Variants in LUZP2 observed in about 807,000 individuals in gnomAD.
LUZP2 encodes the protein leucine zipper protein 2.
Under a neutral mutation model 51.6 loss-of-function variants are expected in LUZP2, and 52 were observed. The ratio of observed to expected loss-of-function variants is 1.01; its 90% confidence interval spans 0.81 to 1.27. The LOEUF (loss-of-function observed/expected upper bound fraction) is 1.27, where lower values mean the gene tolerates loss of function less well. Among genes scored for constraint, LUZP2 ranks in the 50% most tolerant of loss-of-function variants. The pLI, the probability that LUZP2 is intolerant of heterozygous loss-of-function variation, is 0.00. For synonymous variants in LUZP2, 154 were observed against 137.3 expected (o/e 1.12, Z -0.85); for missense variants, 436 against 395.4 (o/e 1.10, Z -0.87).
intron 1 of LUZP2, among the ~76,000 whole-genome samples, chr11:24,699,676 C>T (rs200436010): frequency 7.0e-6 from 1 of 141,994 alleles, no homozygotes; most frequent in Non-Finnish European, 1.5e-5. Context: ...TACACACACA[C>T]ATATATACAC....
At chr11:24,717,766 A>G (rs901830152) in intron 1 of LUZP2, among the ~76,000 whole-genome samples, 2 of 151,722 alleles carry the variant, frequency 1.3e-5, no homozygotes, top group Non-Finnish European at 2.9e-5. Flanking sequence ...TTCACCCTCC[A>G]TTAGACCCAA....
intron 9 of LUZP2, among the ~76,000 whole-genome samples, chr11:24,986,237 C>T (rs1469763418): frequency 2.0e-5 from 3 of 151,564 alleles, no homozygotes; most frequent in African/African-American, 7.3e-5. Flanking sequence ...CTGTTAAATA[C>T]AGGCATTATT....
At chr11:24,731,866 A>C (rs1354153733) in intron 2 of LUZP2, among the ~76,000 whole-genome samples, 10 of 151,726 alleles carry the variant, frequency 6.6e-5, no homozygotes, top group Admixed American at 6.6e-4. Context: ...AGAGACCTAG[A>C]TATTTGGAGA....
At chr11:24,781,893 AT>A (rs1849105953) in intron 5 of LUZP2, among the ~76,000 whole-genome samples, 1 of 151,990 alleles carries the variant, frequency 6.6e-6, no homozygotes, top group African/African-American at 2.4e-5. Context: ...CTTACAAAAA[AT>A]GAATATTCTG....
intron 2 of LUZP2, among the ~76,000 whole-genome samples, chr11:24,731,342 A>T (rs1858706484): frequency 7.0e-6 from 1 of 143,202 alleles, no homozygotes; most frequent in Non-Finnish European, 1.5e-5. Context: ...ATTCTTTTGC[A>T]AACAATATTC....
intron 10 of LUZP2, among the ~76,000 whole-genome samples, chr11:25,063,717 C>CAAT (rs1410636555): frequency 2.0e-4 from 19 of 92,888 alleles, no homozygotes; most frequent in Admixed American, 1.9e-3. Flanking sequence ...TAATCATTAA[C>CAAT]CACCATTTGT....
intron 7 of LUZP2, among the ~76,000 whole-genome samples, chr11:24,926,629 GTATATA>G (rs989163482): frequency 7.3e-6 from 1 of 137,524 alleles, no homozygotes; most frequent in South Asian, 2.3e-4. Flanking sequence ...ATATATGTGT[GTATATA>G]TGTATATATA....
intron 3 of LUZP2, among the ~76,000 whole-genome samples, chr11:24,732,905 G>C (rs1323966892): frequency 6.6e-6 from 1 of 151,652 alleles, no homozygotes; most frequent in Non-Finnish European, 1.5e-5. Context: ...TTGTTGCTCA[G>C]AGTGCTTAGT....
intron 1 of LUZP2, among the ~76,000 whole-genome samples, chr11:24,602,759 G>C (rs1262496629): frequency 6.6e-6 from 1 of 151,478 alleles, no homozygotes; most frequent in Non-Finnish European, 1.5e-5. Flanking sequence ...GGCACAATCA[G>C]GTTCTTTTTC....
At chr11:24,546,878 A>G (rs769874550) in intron 1 of LUZP2, among the ~76,000 whole-genome samples, 1 of 151,914 alleles carries the variant, frequency 6.6e-6, no homozygotes, top group Non-Finnish European at 1.5e-5. Context: ...TCTGGTATAC[A>G]ATTCAGCTGT....
intron 5 of LUZP2, among the ~76,000 whole-genome samples, chr11:24,842,580 T>C (rs888953000): frequency 6.6e-6 from 1 of 151,968 alleles, no homozygotes. Flanking sequence ...AAAATAAAAT[T>C]GATAGCCTGC....
intron 1 of LUZP2, among the ~76,000 whole-genome samples, chr11:24,604,119 A>G (rs972044877): frequency 3.3e-5 from 5 of 151,668 alleles, no homozygotes; most frequent in African/African-American, 1.2e-4. Context: ...TAGAACTATC[A>G]CTCTGACCAC....
intron 1 of LUZP2, among the ~76,000 whole-genome samples, chr11:24,635,121 G>C (rs571624040): frequency 6.6e-6 from 1 of 151,824 alleles, no homozygotes; most frequent in Non-Finnish European, 1.5e-5. Context: ...TAAAAGTCCA[G>C]ATTTCACCAC....
rs1390214444 is a variant in LUZP2, at chr11:24,983,265, A to G, written c.737A>G (p.Lys246Arg). Residue 246 changes from lysine (K) to arginine (R), a missense_variant, in exon 9 of 12, where the codon AAG becomes AGG. Physicochemically the swap from Lys to Arg is conservative, Grantham distance 26. Transcript: ENST00000336930. ...CTCCCACCCAGGAATATTGCCTCTA[A>G]GCTTCCAGATGCAGCGGCCAAAAGC... ...MLLPPRNIAS[K>R]LPDAAAKSKP... 1.9e-6 allele frequency: 3 copies of G among 1,611,830 alleles called. No homozygotes were observed. The highest frequency in any genetic ancestry group is 4.5e-5 in the East Asian group (2 of 44,836).
intron 8 of LUZP2, among the ~76,000 whole-genome samples, chr11:24,981,159 G>GA (rs1856016453): frequency 2.6e-5 from 4 of 151,782 alleles, no homozygotes; most frequent in Non-Finnish European, 5.9e-5. Context: ...CATCCTCTGG[G>GA]TTTTGCTCAT....
chr11:24,970,271 C>A (rs1454429442), intron 7 of LUZP2, among the ~76,000 whole-genome samples: 2 of 152,242 alleles, frequency 1.3e-5, no homozygotes, highest in African/African-American at 2.4e-5. Flanking sequence ...ATCCCCTACC[C>A]TACCTTTATA....
intron 9 of LUZP2, among the ~76,000 whole-genome samples, chr11:24,985,794 T>C (rs954380959): frequency 6.6e-6 from 1 of 151,722 alleles, no homozygotes; most frequent in South Asian, 2.1e-4. Flanking sequence ...CAGTAGATGA[T>C]TATGTATTTA....
At chr11:24,972,150 A>AC (rs957138794) in intron 7 of LUZP2, among the ~76,000 whole-genome samples, 10 of 146,686 alleles carry the variant, frequency 6.8e-5, no homozygotes, top group African/African-American at 1.5e-4. Flanking sequence ...AAAAAAAAAA[A>AC]AAAAAAAAAA....
intron 1 of LUZP2, among the ~76,000 whole-genome samples, chr11:24,543,191 G>A (rs6484055): frequency 1 from 151,320 of 152,026 alleles, 75,310 homozygotes; most frequent in East Asian, 1. Flanking sequence ...TGATACTTTA[G>A]GAACCAGAAA....
Sources: gnomAD v4.1 joint callset for allele counts (sites outside exome capture counted in the v4.1 genomes callset) on GRCh38, gnomAD v4.1.1 for gene constraint, MANE v1.5 for transcripts, NCBI Gene and HGNC (gene_info 2026-07-23, HGNC 2026-07-21) for gene names.